Variants in TBC1D32 observed in about 807,000 individuals in gnomAD.
The protein encoded by TBC1D32 is TBC1 domain family member 32.
TBC1D32 carries 151 observed loss-of-function variants against 170.3 expected under a neutral mutation model. The observed-to-expected ratio is 0.89, with a 90% CI of 0.78 to 1.01. The LOEUF is 1.01. TBC1D32 is among the 50% of genes least tolerant of loss of function. The pLI is 0.00. For synonymous variants in TBC1D32, 498 were observed against 488.0 expected (o/e 1.02, Z -0.27); for missense variants, 1,464 against 1,457.1 (o/e 1.00, Z -0.08).
intron 4 of TBC1D32, 64 bp downstream of exon 4, chr6:121,310,715 G>A (rs1808061590): frequency 9.4e-7 from 1 of 1,064,756 alleles, no homozygotes; most frequent in Non-Finnish European, 1.4e-6. Context: ...GCTACTGATT[G>A]TAATCTCATA....
At chr6:121,220,520 T>C (rs58914731) in intron 21 of TBC1D32, among the ~76,000 whole-genome samples, 8,711 of 152,194 alleles carry the variant, frequency 0.057, 745 homozygotes, top group African/African-American at 0.18. Flanking sequence ...GGAAAGAAGC[T>C]GTCTGAATAA....
chr6:121,323,089 C>T (rs1809973503), intron 1 of TBC1D32, among the ~76,000 whole-genome samples: 1 of 152,198 alleles, frequency 6.6e-6, no homozygotes, highest in African/African-American at 2.4e-5. Flanking sequence ...TTTTTCAATA[C>T]TCCCAAACTT....
In TBC1D32 at chr6:121,317,587, G is replaced by GT; in HGVS notation, c.402dup (p.Arg135ThrfsTer16). On this transcript the variant is annotated frameshift_variant, in exon 3 of 32. Transcript: ENST00000398212. LOFTEE classifies it high-confidence loss of function. Reference sequence around the variant, plus strand: ...ATTTTTTTCTGCCTTTCTTGATTTCGTGTCTCATCTTCTTCAAACTTGTTA... The same window carrying GT: ...ATTTTTTTCTGCCTTTCTTGATTTCGTTGTCTCATCTTCTTCAAACTTGTTA... 1 of 1,611,888 alleles carries GT rather than the reference G, an allele frequency of 6.2e-7. No homozygotes were observed. Among genetic ancestry groups the GT allele is most frequent in the Non-Finnish European group, 8.5e-7 (1 of 1,178,932 alleles).
intron 15 of TBC1D32, among the ~76,000 whole-genome samples, chr6:121,276,538 A>T (rs1369437230): frequency 6.6e-6 from 1 of 152,210 alleles, no homozygotes; most frequent in Non-Finnish European, 1.5e-5. Context: ...CAAAAAATAC[A>T]GTAAATATTA....
chr6:121,251,332 A>G (rs1798264689), intron 17 of TBC1D32, among the ~76,000 whole-genome samples: 1 of 152,112 alleles, frequency 6.6e-6, no homozygotes, highest in African/African-American at 2.4e-5. Flanking sequence ...AAGCTATACT[A>G]CAAGGCTATG....
chr6:121,274,607 A>G (rs1391229740), intron 15 of TBC1D32, among the ~76,000 whole-genome samples: 3 of 152,144 alleles, frequency 2.0e-5, no homozygotes, highest in African/African-American at 7.2e-5. Context: ...ATTATGTGTC[A>G]ATTTAAAAAG....
chr6:121,250,010 G>A (rs1798089333), intron 17 of TBC1D32, among the ~76,000 whole-genome samples: 3 of 151,774 alleles, frequency 2.0e-5, no homozygotes, highest in Admixed American at 6.6e-5. Context: ...AGCCAATAAA[G>A]AGCCCACACA....
At chr6:121,125,650 C>A (rs1780754817) in intron 26 of TBC1D32, among the ~76,000 whole-genome samples, 1 of 152,116 alleles carries the variant, frequency 6.6e-6, no homozygotes. Flanking sequence ...GTGCACACAT[C>A]TCCTAGCAGG....
chr6:121,287,405 A>G (rs1307166688), intron 12 of TBC1D32, among the ~76,000 whole-genome samples: 1 of 152,216 alleles, frequency 6.6e-6, no homozygotes, highest in Admixed American at 6.5e-5. Context: ...AGAGACAAAA[A>G]AGGCCATTAC....
chr6:121,173,751 C>G (rs1343025581), intron 22 of TBC1D32, among the ~76,000 whole-genome samples: 1 of 151,894 alleles, frequency 6.6e-6, no homozygotes, highest in African/African-American at 2.4e-5. Flanking sequence ...GAAAAAGGAG[C>G]AAACACACAC....
chr6:121,255,792 A>G (rs1389409082), intron 16 of TBC1D32, among the ~76,000 whole-genome samples: 1 of 152,030 alleles, frequency 6.6e-6, no homozygotes, highest in Non-Finnish European at 1.5e-5. Context: ...CTTTAAAATA[A>G]CTCCCAAAGA....
chr6:121,190,392 C>A (rs7759653), intron 22 of TBC1D32, among the ~76,000 whole-genome samples: 1 of 147,238 alleles, frequency 6.8e-6, no homozygotes, highest in Non-Finnish European at 1.5e-5. Context: ...TGCACACATA[C>A]CCCTTCCCCC....
chr6:121,098,777 T>C (rs1582760019), intron 30 of TBC1D32, among the ~76,000 whole-genome samples: 1 of 151,906 alleles, frequency 6.6e-6, no homozygotes, highest in Admixed American at 6.6e-5. Flanking sequence ...CAGAGCAAAA[T>C]CATCCACTTG....
intron 1 of TBC1D32, among the ~76,000 whole-genome samples, chr6:121,325,319 A>T (rs1284969853): frequency 6.6e-6 from 1 of 152,128 alleles, no homozygotes; most frequent in Non-Finnish European, 1.5e-5. Context: ...CCATAAAAGT[A>T]TCACTACTTT....
chr6:121,220,428 CT>C (rs1440303245), intron 21 of TBC1D32, among the ~76,000 whole-genome samples: 1 of 152,064 alleles, frequency 6.6e-6, no homozygotes, highest in Non-Finnish European at 1.5e-5. Context: ...CTCTAACTCT[CT>C]TTAGTTTTAC....
chr6:121,255,272 T>A (rs1583419532), intron 17 of TBC1D32, 56 bp downstream of exon 17: 1 of 1,101,304 alleles, frequency 9.1e-7, no homozygotes, highest in East Asian at 3.0e-5. Flanking sequence ...TTTTAATAAT[T>A]TTAAATTTAT....
chr6:121,125,526 T>C (rs975465210), intron 26 of TBC1D32, among the ~76,000 whole-genome samples: 1 of 151,760 alleles, frequency 6.6e-6, no homozygotes, highest in African/African-American at 2.4e-5. Context: ...CCAGCAGGTC[T>C]CTGCACAAGT....
intron 22 of TBC1D32, among the ~76,000 whole-genome samples, chr6:121,183,375 A>G (rs946712889): frequency 2.6e-5 from 4 of 152,156 alleles, no homozygotes; most frequent in Non-Finnish European, 5.9e-5. Context: ...TGATAAAGAC[A>G]TAACAGTTTG....
At chr6:121,300,364 T>C (rs972917104) in intron 9 of TBC1D32, among the ~76,000 whole-genome samples, 8 of 152,010 alleles carry the variant, frequency 5.3e-5, no homozygotes, top group African/African-American at 1.9e-4. Flanking sequence ...GAAGAATCGC[T>C]TGAACCCAGG....
Sources: allele counts gnomAD v4.1 joint callset (sites outside exome capture counted in the v4.1 genomes callset), GRCh38; gene constraint gnomAD v4.1.1; transcripts MANE v1.5; gene names NCBI Gene and HGNC (gene_info 2026-07-23, HGNC 2026-07-21).